The following WDR49 variants were observed in gnomAD, a reference collection of about 807,000 sequenced individuals.
WDR49 encodes WD repeat domain 49, also known as cilia- and flagella-associated protein 337.
Under a neutral mutation model 119.5 loss-of-function variants are expected in WDR49, and 107 were observed. That is an observed-to-expected ratio of 0.90 (90% CI 0.77 to 1.05). The LOEUF is 1.05. Ranked by LOEUF, WDR49 falls within the 50% of genes least tolerant of loss-of-function variation. The pLI, the probability that WDR49 is intolerant of heterozygous loss-of-function variation, is 0.00. For synonymous variants in WDR49, 425 were observed against 418.8 expected (o/e 1.01, Z -0.18); for missense variants, 1,240 against 1,220.5 (o/e 1.02, Z -0.24).
intron 16 of WDR49, among the ~76,000 whole-genome samples, chr3:167,514,491 C>T (rs561445748): frequency 6.6e-6 from 1 of 152,190 alleles, no homozygotes; most frequent in South Asian, 2.1e-4. Context: ...TAAATGCCCA[C>T]ATCAAAAAGC....
chr3:167,652,213 A>G (rs567013947), intron 2 of WDR49, among the ~76,000 whole-genome samples: 1 of 152,354 alleles, frequency 6.6e-6, no homozygotes, highest in Admixed American at 6.5e-5. Context: ...GATAAGTTCT[A>G]TTATAAAGAA....
chr3:167,530,309 T>C (rs904073676), intron 13 of WDR49, among the ~76,000 whole-genome samples: 18 of 152,028 alleles, frequency 1.2e-4, no homozygotes, highest in African/African-American at 4.1e-4. Context: ...TATGTCTAGT[T>C]CCTAATGTTA....
intron 16 of WDR49, among the ~76,000 whole-genome samples, chr3:167,517,048 A>T (rs902413118): frequency 1.3e-5 from 2 of 152,250 alleles, no homozygotes; most frequent in African/African-American, 4.8e-5. Flanking sequence ...AATGGTGAGC[A>T]TTAAAAAGTC....
At chr3:167,636,536 A>G (rs932527102) in intron 2 of WDR49, among the ~76,000 whole-genome samples, 1 of 151,638 alleles carries the variant, frequency 6.6e-6, no homozygotes, top group Non-Finnish European at 1.5e-5. Flanking sequence ...ATCAAATGCT[A>G]GTTTTACTTT....
chr3:167,538,254 A>G (rs1711577829), intron 10 of WDR49, among the ~76,000 whole-genome samples: 1 of 152,080 alleles, frequency 6.6e-6, no homozygotes, highest in South Asian at 2.1e-4. Flanking sequence ...CATCTGCAAA[A>G]GATCTCAACA....
chr3:167,509,853 G>A (rs1156553714), intron 16 of WDR49, among the ~76,000 whole-genome samples: 2 of 152,068 alleles, frequency 1.3e-5, no homozygotes, highest in African/African-American at 4.8e-5. Flanking sequence ...TGTTGTCCAT[G>A]GATACTCATA....
At chr3:167,496,558 T>G (rs1444995758) in intron 18 of WDR49, among the ~76,000 whole-genome samples, 1 of 152,162 alleles carries the variant, frequency 6.6e-6, no homozygotes, top group Admixed American at 6.5e-5. Context: ...TGAATTTTCA[T>G]GTGTTCCCAT....
chr3:167,612,780 A>T (rs1283868543), intron 5 of WDR49, among the ~76,000 whole-genome samples: 1 of 151,906 alleles, frequency 6.6e-6, no homozygotes, highest in African/African-American at 2.4e-5. Context: ...ATCTTGTGTT[A>T]AGCAAAATCA....
At position 167,575,957 on chromosome 3, in the gene WDR49, T is replaced by C. The variant is rs1225172776; in HGVS notation, c.1470A>G (p.Lys490=). The change falls in exon 8 of 19, where the codon AAA becomes AAG. Residue 490 remains lysine (K), a synonymous_variant. Transcript: ENST00000682715. ...AATTGTAAAGAACACAAGTGACTGC[T>C]TTCTCATGGCTTTTCACCCTCTTGC... The part of the protein sequence containing the change: ...EASKRVKSHE[K]AVTCVLYNSI... 6.2e-7 allele frequency: 1 copy of C among 1,614,208 alleles called. No individual in the cohort carries two copies. The highest frequency in any genetic ancestry group is 2.2e-5 in the East Asian group (1 of 44,872).
At chr3:167,498,014 T>G (rs1751426148) in intron 18 of WDR49, among the ~76,000 whole-genome samples, 1 of 152,148 alleles carries the variant, frequency 6.6e-6, no homozygotes, top group African/African-American at 2.4e-5. Context: ...GCTAATTTTT[T>G]GTATTTTAGT....
At chr3:167,567,107 G>T (rs1056573427) in intron 8 of WDR49, among the ~76,000 whole-genome samples, 1 of 152,056 alleles carries the variant, frequency 6.6e-6, no homozygotes, top group African/African-American at 2.4e-5. Context: ...TCCAATATTT[G>T]CTTTAGTTTC....
chr3:167,572,326 G>A (rs903062852), intron 8 of WDR49, among the ~76,000 whole-genome samples: 5 of 152,280 alleles, frequency 3.3e-5, no homozygotes, highest in Middle Eastern at 3.4e-3. Context: ...AAGACAGGAA[G>A]ATAAATAAAA....
upstream of WDR49, among the ~76,000 whole-genome samples, chr3:167,654,789 C>T (rs1577304379): frequency 6.6e-6 from 1 of 151,758 alleles, no homozygotes; most frequent in African/African-American, 2.4e-5. Context: ...ATCCCAGCTA[C>T]TCGGGAGGCT....
chr3:167,572,760 TC>T (rs1714009100), intron 8 of WDR49, among the ~76,000 whole-genome samples: 1 of 152,146 alleles, frequency 6.6e-6, no homozygotes, highest in Non-Finnish European at 1.5e-5. Context: ...CGACCAATGC[TC>T]AGGAAGAGGA....
At chr3:167,553,037 T>C (rs1712668702) in intron 10 of WDR49, among the ~76,000 whole-genome samples, 1 of 152,102 alleles carries the variant, frequency 6.6e-6, no homozygotes, top group African/African-American at 2.4e-5. Context: ...CTCCTGTAAC[T>C]ATAACTGAAC....
intron 7 of WDR49, among the ~76,000 whole-genome samples, chr3:167,595,091 C>T (rs1319914536): frequency 6.6e-6 from 1 of 150,956 alleles, no homozygotes; most frequent in African/African-American, 2.4e-5. Flanking sequence ...AACAGAGAGC[C>T]AAATCATGAG....
At chr3:167,538,385 C>A (rs996287468) in intron 10 of WDR49, among the ~76,000 whole-genome samples, 2 of 152,086 alleles carry the variant, frequency 1.3e-5, no homozygotes, top group Non-Finnish European at 2.9e-5. Context: ...CCAGTCAAAT[C>A]AAATACTTAG....
chr3:167,591,412 A>G (rs1715099499), intron 7 of WDR49, among the ~76,000 whole-genome samples: 1 of 152,084 alleles, frequency 6.6e-6, no homozygotes. Flanking sequence ...ATAAATATCT[A>G]TTAGGTCCAT....
At chr3:167,595,436 T>A (rs1020856017) in intron 7 of WDR49, among the ~76,000 whole-genome samples, 1 of 151,984 alleles carries the variant, frequency 6.6e-6, no homozygotes, top group South Asian at 2.1e-4. Flanking sequence ...AAAGAACAAA[T>A]CTGGAGGCAT....
Sources: allele counts gnomAD v4.1 joint callset (sites outside exome capture counted in the v4.1 genomes callset), GRCh38; gene constraint gnomAD v4.1.1; transcripts MANE v1.5; gene names NCBI Gene and HGNC (gene_info 2026-07-23, HGNC 2026-07-21).